The following SPIDR variants were observed in gnomAD, a reference collection of about 807,000 sequenced individuals.
The protein encoded by SPIDR is DNA repair-scaffolding protein.
In SPIDR, 93 loss-of-function variants were observed where a neutral mutation model predicts 104.6. That is an observed-to-expected ratio of 0.89 (90% CI 0.75 to 1.06). SPIDR has a LOEUF of 1.06. Ranked by LOEUF, SPIDR falls within the 50% of genes least tolerant of loss-of-function variation. SPIDR has a pLI of 0.00. For synonymous variants in SPIDR, 431 were observed against 416.9 expected, an observed-to-expected ratio of 1.03 and a Z score of -0.41; for missense variants, 1,154 against 1,111.2, an observed-to-expected ratio of 1.04 and a Z score of -0.55.
At chr8:47,320,385 A>C (rs2046317726) in intron 5 of SPIDR, among the ~76,000 whole-genome samples, 2 of 152,216 alleles carry the variant, frequency 1.3e-5, no homozygotes, top group African/African-American at 2.4e-5. Flanking sequence ...ACACCCTCCC[A>C]AGACTAAACC....
At chr8:47,418,210 G>A (rs2064726155) in intron 7 of SPIDR, among the ~76,000 whole-genome samples, 1 of 152,102 alleles carries the variant, frequency 6.6e-6, no homozygotes, top group Non-Finnish European at 1.5e-5. Flanking sequence ...AAATTACCTT[G>A]GACAGTATGC....
intron 5 of SPIDR, among the ~76,000 whole-genome samples, chr8:47,317,344 C>G (rs1486925419): frequency 6.6e-6 from 1 of 152,086 alleles, no homozygotes; most frequent in Non-Finnish European, 1.5e-5. Context: ...CCTGCGGAGC[C>G]TCGCTCATTG....
chr8:47,440,448 A>C lies in SPIDR; in HGVS notation c.1003A>C (p.Arg335=), dbSNP rs1486159220. 6.2e-7 allele frequency: 1 copy of C among 1,614,196 alleles called. No homozygotes were observed. The highest frequency in any genetic ancestry group is 8.5e-7 in the Non-Finnish European group (1 of 1,180,024). Residue 335 remains arginine, a synonymous_variant, in exon 8 of 20, where the codon AGG becomes CGG. Coordinates refer to ENST00000297423, the MANE Select transcript of SPIDR (RefSeq NM_001080394.4). ...CAGCTCCTCCCAAAGTGTGGCTCCCAGGCCTGGAGCTGGCCTGAAAGTTCT... is the reference window on the plus strand; with the variant it reads ...CAGCTCCTCCCAAAGTGTGGCTCCCCGGCCTGGAGCTGGCCTGAAAGTTCT... ...ATSSSQSVAP[R]PGAGLKVLFT...
At chr8:47,576,126 C>A (rs990880574) in intron 8 of SPIDR, among the ~76,000 whole-genome samples, 39 of 150,978 alleles carry the variant, frequency 2.6e-4, no homozygotes, top group African/African-American at 9.5e-4. Context: ...TTGACAAGGT[C>A]TTTTTTATTA....
At chr8:47,474,621 C>G (rs1479165699) in intron 8 of SPIDR, among the ~76,000 whole-genome samples, 1 of 152,206 alleles carries the variant, frequency 6.6e-6, no homozygotes, top group African/African-American at 2.4e-5. Context: ...AAATGGAGTT[C>G]TCAATCTCTT....
intron 8 of SPIDR, among the ~76,000 whole-genome samples, chr8:47,524,428 G>T (rs1408836998): frequency 6.6e-6 from 1 of 152,166 alleles, no homozygotes; most frequent in Non-Finnish European, 1.5e-5. Context: ...CCTAACTGCA[G>T]CCCCTCTGGG....
At chr8:47,470,992 C>T (rs1168882811) in intron 8 of SPIDR, among the ~76,000 whole-genome samples, 3 of 152,148 alleles carry the variant, frequency 2.0e-5, no homozygotes, top group African/African-American at 7.2e-5. Context: ...CCTTGGCCTC[C>T]CAAAGTGCTG....
intron 10 of SPIDR, among the ~76,000 whole-genome samples, chr8:47,650,737 G>A (rs1335483497): frequency 2.0e-5 from 3 of 152,110 alleles, no homozygotes; most frequent in Non-Finnish European, 4.4e-5. Context: ...AAAACAGCGT[G>A]GTGCTGATAT....
At chr8:47,649,293 C>A (rs755801156) in intron 10 of SPIDR, among the ~76,000 whole-genome samples, 1 of 151,388 alleles carries the variant, frequency 6.6e-6, no homozygotes, top group Non-Finnish European at 1.5e-5. Context: ...AAGCACACAG[C>A]ATCACTTCTG....
At chr8:47,450,917 G>C (rs1273394825) in intron 8 of SPIDR, among the ~76,000 whole-genome samples, 2 of 152,194 alleles carry the variant, frequency 1.3e-5, no homozygotes, top group Admixed American at 6.5e-5. Flanking sequence ...TCTTCAGCAG[G>C]TAAGATTCTG....
intron 10 of SPIDR, among the ~76,000 whole-genome samples, chr8:47,612,265 C>T (rs1050479890): frequency 4.6e-5 from 7 of 152,174 alleles, no homozygotes; most frequent in South Asian, 2.1e-4. Context: ...TTAAATAGAA[C>T]GCTGACTACT....
chr8:47,698,157 T>C (rs1369754973), intron 11 of SPIDR, among the ~76,000 whole-genome samples: 1 of 152,250 alleles, frequency 6.6e-6, no homozygotes, highest in Non-Finnish European at 1.5e-5. Flanking sequence ...TTTAAACTTT[T>C]TAAATAAAAA....
intron 8 of SPIDR, among the ~76,000 whole-genome samples, chr8:47,493,167 T>C (rs551052634): frequency 2.6e-5 from 4 of 152,178 alleles, no homozygotes; most frequent in African/African-American, 7.2e-5. Flanking sequence ...CTTTGGAGAC[T>C]GCTAGCTCCT....
chr8:47,540,533 G>A (rs2154390633), intron 8 of SPIDR, among the ~76,000 whole-genome samples: 1 of 152,186 alleles, frequency 6.6e-6, no homozygotes, highest in East Asian at 1.9e-4. Flanking sequence ...TGCCCCTGTG[G>A]CCAGCCTACC....
chr8:47,290,923 A>G (rs2039804182), intron 3 of SPIDR, 110 bp from the exon 4 acceptor site: 2 of 665,362 alleles, frequency 3.0e-6, no homozygotes. Flanking sequence ...TTTTCCTATC[A>G]CAGAGTTTTG....
intron 6 of SPIDR, among the ~76,000 whole-genome samples, chr8:47,398,977 T>A (rs1201644653): frequency 6.6e-6 from 1 of 152,118 alleles, no homozygotes; most frequent in Non-Finnish European, 1.5e-5. Flanking sequence ...CTCAGCGGCG[T>A]GACCAGGCAA....
intron 14 of SPIDR, among the ~76,000 whole-genome samples, chr8:47,710,546 G>A (rs192655773): frequency 7.3e-5 from 11 of 150,368 alleles, no homozygotes; most frequent in Admixed American, 5.3e-4. Flanking sequence ...TCAGCTCACC[G>A]CAACCTCTGC....
At chr8:47,582,815 A>T (rs1239846943) in intron 8 of SPIDR, among the ~76,000 whole-genome samples, 8 of 147,228 alleles carry the variant, frequency 5.4e-5, no homozygotes, top group Non-Finnish European at 8.9e-5. Flanking sequence ...CCATTAAACA[A>T]CAACAACAAA....
At chr8:47,352,815 A>G (rs544041330) in intron 5 of SPIDR, among the ~76,000 whole-genome samples, 29 of 152,170 alleles carry the variant, frequency 1.9e-4, no homozygotes, top group South Asian at 6.2e-4. Context: ...TGTAATCTCA[A>G]TGCTTTGGTA....
Sources: gnomAD v4.1 joint callset for allele counts (sites outside exome capture counted in the v4.1 genomes callset) on GRCh38, gnomAD v4.1.1 for gene constraint, MANE v1.5 for transcripts, NCBI Gene and HGNC (gene_info 2026-07-23, HGNC 2026-07-21) for gene names.